UNC13C: variants seen among roughly 807,000 people sequenced by gnomAD.
The protein encoded by UNC13C is unc-13 homolog C, also known as protein unc-13 homolog C.
UNC13C carries 174 observed loss-of-function variants against 245.4 expected under a neutral mutation model. That is an observed-to-expected ratio of 0.71 (90% CI 0.63 to 0.80). The LOEUF is 0.80. Among genes scored for constraint, UNC13C ranks in the 30% least tolerant of loss-of-function variants. The pLI is 0.00. For missense variants in UNC13C, 2,829 were observed against 2,602.9 expected (o/e 1.09, Z -1.89); for synonymous variants, 992 against 895.1 (o/e 1.11, Z -1.93).
intron 13 of UNC13C, among the ~76,000 whole-genome samples, chr15:54,304,983 T>C (rs753335977): frequency 3.9e-5 from 6 of 152,082 alleles, no homozygotes; most frequent in Non-Finnish European, 8.8e-5. Context: ...AATTGTAATC[T>C]GTAATTATAT....
the UNC13C span, chr15:53,910,908 G>C: frequency 6.6e-6 from 1 of 151,000 alleles, no homozygotes; most frequent in African/African-American, 2.4e-5. Context: ...TTGCGACGTT[G>C]GCAGGATGAA....
chr15:54,521,149 G>A (rs1895199251), intron 24 of UNC13C, among the ~76,000 whole-genome samples: 1 of 152,112 alleles, frequency 6.6e-6, no homozygotes, highest in Non-Finnish European at 1.5e-5. Context: ...TGGAACTAGA[G>A]GTGAAATTTT....
intron 10 of UNC13C, among the ~76,000 whole-genome samples, chr15:54,279,454 T>G (rs74015108): frequency 0.018 from 2,787 of 152,282 alleles, 91 homozygotes; most frequent in African/African-American, 0.065. Flanking sequence ...GGATGTTAGT[T>G]GACAGTGTTT....
In UNC13C at chr15:54,367,102, G is replaced by A. The variant is rs375329284; in HGVS notation, c.4714-25946G>A. ...CTTATTTATTAATTTAAATCTATTA[G>A]TATTAAAATTGTATTCACATTAATA... On this transcript the variant is annotated intron_variant, in intron 17 of 32. Transcript: ENST00000260323. Among the ~76,000 whole-genome samples the A allele has an allele frequency of 2.0e-5, 3 of 152,220 alleles. No homozygotes were observed. In the East Asian group the frequency reaches 5.8e-4, roughly 29 times the overall value.
chr15:54,368,176 T>A (rs1189908318), intron 17 of UNC13C, among the ~76,000 whole-genome samples: 3 of 152,034 alleles, frequency 2.0e-5, no homozygotes, highest in African/African-American at 7.2e-5. Context: ...CTTTACCCTA[T>A]GTTTTTGGGC....
Position 54,014,179 on chromosome 15 carries a change from A to G in UNC13C, c.1276A>G (p.Thr426Ala), listed in dbSNP as rs1403078604. ...RKEKGIPSSQ[T>A]YESMAIKLST... ...AGAGAAAGGGATACCATCCTCCCAG[A>G]CATATGAGAGCATGGCTATAAAGTT... The change falls in exon 2 of 33, where the codon ACA becomes GCA. Residue 426 changes from threonine (T) to alanine (A), a missense_variant. Transcript: ENST00000260323. 1 of 1,613,920 alleles carries G rather than the reference A, an allele frequency of 6.2e-7. No homozygotes were observed. Among genetic ancestry groups the G allele is most frequent in the Non-Finnish European group, 8.5e-7 (1 of 1,179,852 alleles).
chr15:54,329,814 C>T (rs545491543), intron 14 of UNC13C, among the ~76,000 whole-genome samples: 1 of 152,176 alleles, frequency 6.6e-6, no homozygotes, highest in South Asian at 2.1e-4. Flanking sequence ...CAGCTAGGCA[C>T]TGAAGACTAG....
the UNC13C span, among the ~76,000 whole-genome samples, chr15:53,931,191 C>G: frequency 1.3e-5 from 2 of 151,866 alleles, no homozygotes; most frequent in African/African-American, 4.8e-5. Flanking sequence ...ATTTTTGAGA[C>G]AGAGTCTTGC....
At chr15:54,489,804 C>T (rs1463099567) in intron 19 of UNC13C, among the ~76,000 whole-genome samples, 1 of 152,202 alleles carries the variant, frequency 6.6e-6, no homozygotes, top group East Asian at 1.9e-4. Context: ...GTATTTGCCA[C>T]TTAAGGGCAA....
chr15:53,943,104 A>G, the UNC13C span, among the ~76,000 whole-genome samples: 2 of 152,198 alleles, frequency 1.3e-5, no homozygotes, highest in Non-Finnish European at 2.9e-5. Flanking sequence ...TTTGATATAG[A>G]TATTAGAGAT....
intron 4 of UNC13C, among the ~76,000 whole-genome samples, chr15:54,203,676 C>T (rs1035075111): frequency 6.1e-5 from 9 of 147,106 alleles, no homozygotes; most frequent in African/African-American, 1.5e-4. Context: ...TTTCTTTATC[C>T]ACTCGTGATT....
chr15:54,100,721 T>C (rs1279096296), intron 2 of UNC13C, among the ~76,000 whole-genome samples: 1 of 152,010 alleles, frequency 6.6e-6, no homozygotes, highest in African/African-American at 2.4e-5. Flanking sequence ...AACCAAAAAA[T>C]TCATTAGCAA....
intron 1 of UNC13C, among the ~76,000 whole-genome samples, chr15:53,984,353 G>T (rs1408355316): frequency 6.6e-6 from 1 of 152,062 alleles, no homozygotes; most frequent in Non-Finnish European, 1.5e-5. Context: ...TGATTTGTCT[G>T]GTTGATTTAC....
chr15:53,908,092 A>G, the UNC13C span, among the ~76,000 whole-genome samples: 1 of 146,758 alleles, frequency 6.8e-6, no homozygotes, highest in Non-Finnish European at 1.5e-5. Flanking sequence ...ACTTGTTAGC[A>G]TTTCTTATAA....
At chr15:54,334,176 C>T (rs2038514017) in intron 16 of UNC13C, among the ~76,000 whole-genome samples, 1 of 152,032 alleles carries the variant, frequency 6.6e-6, no homozygotes, top group Non-Finnish European at 1.5e-5. Context: ...GAGTTCACTT[C>T]TAATTTTAGT....
intron 13 of UNC13C, among the ~76,000 whole-genome samples, chr15:54,317,714 A>T (rs1047462894): frequency 6.6e-6 from 1 of 152,100 alleles, no homozygotes. Context: ...CGTATACATC[A>T]TCTCACATAG....
At chr15:54,359,314 T>A (rs868528110) in intron 17 of UNC13C, among the ~76,000 whole-genome samples, 1 of 151,956 alleles carries the variant, frequency 6.6e-6, no homozygotes, top group East Asian at 1.9e-4. Context: ...GGTTTTGATA[T>A]CATTGTAATG....
At position 54,194,447 on chromosome 15, in the gene UNC13C, A is replaced by G. The variant is rs147730691; in HGVS notation, c.3072-40583A>G. Among the ~76,000 whole-genome samples, 693 of 152,230 alleles carry G rather than the reference A, an allele frequency of 4.6e-3. 7 individuals are homozygous for G. Among genetic ancestry groups the G allele is most frequent in the African/African-American group, 0.016 (668 of 41,558 alleles). ...TGTGGCAAGGACAATACTGATCCAT[A>G]TTTTAGTCATAAAATATTTAAATAT... On this transcript the variant is annotated intron_variant, in intron 4 of 32. Transcript: ENST00000260323.
intron 4 of UNC13C, among the ~76,000 whole-genome samples, chr15:54,232,668 G>A (rs2035584725): frequency 6.6e-6 from 1 of 152,098 alleles, no homozygotes; most frequent in Non-Finnish European, 1.5e-5. Context: ...TCTTTACATA[G>A]CTATGAAAGT....
Sources: gnomAD v4.1 joint callset for allele counts (sites outside exome capture counted in the v4.1 genomes callset) on GRCh38, gnomAD v4.1.1 for gene constraint, MANE v1.5 for transcripts, NCBI Gene and HGNC (gene_info 2026-07-23, HGNC 2026-07-21) for gene names.